Variants in BTF3 observed in about 807,000 individuals in gnomAD.
BTF3 encodes the protein transcription factor BTF3.
In BTF3, 12 loss-of-function variants were observed where a neutral mutation model predicts 23.9. The ratio of observed to expected loss-of-function variants is 0.50; its 90% CI spans 0.32 to 0.81. The LOEUF is 0.81. Among genes scored for constraint, BTF3 ranks in the 40% least tolerant of loss-of-function variants. The probability of loss-of-function intolerance (pLI) is 0.03; values close to 1 mark genes in which losing one functional copy is unlikely to be tolerated. For missense variants in BTF3, 215 were observed against 255.9 expected, an observed-to-expected ratio of 0.84 and a Z score of 1.09; for synonymous variants, 96 against 94.8, an observed-to-expected ratio of 1.01 and a Z score of -0.07.
At chr5:73,499,227 TG>T in intron 2 of BTF3, 25 bp downstream of exon 2, 3 of 1,599,078 alleles carry the variant, frequency 1.9e-6, no homozygotes, top group Non-Finnish European at 1.7e-6. Context: ...TTCGGGTTTG[TG>T]GGTTTTTTTT....
intron 2 of BTF3, among the ~76,000 whole-genome samples, chr5:73,501,621 G>A (rs943978554): frequency 2.6e-5 from 4 of 152,068 alleles, no homozygotes; most frequent in Non-Finnish European, 5.9e-5. Context: ...AAAGGCCCTT[G>A]GGTCATAGCC....
Position 73,499,218 on chromosome 5 carries a change from T to C in BTF3, c.201+16T>C. On this transcript the variant is annotated intron_variant, in intron 2 of 5. Transcript: ENST00000380591. ...TGGTGGGAAAGTAAGTTTTAATAGT[T>C]CGGGTTTGTGGGTTTTTTTTTTAAG... 6.2e-7 allele frequency: 1 copy of C among 1,606,090 alleles called. No homozygotes were observed. The highest frequency in any genetic ancestry group is 8.5e-7 in the Non-Finnish European group (1 of 1,179,524).
chr5:73,505,467 CAA>C lies in BTF3; in HGVS notation c.*231_*232del, dbSNP rs1420889855. ...AGAAGCCTGGGAATCAAGTTTGAAA[CAA>C]AGATTAATAAAGTTCTTTGCCTAGT... On this transcript the variant is annotated 3_prime_UTR_variant, in exon 6 of 6. Coordinates refer to ENST00000380591, the MANE Select transcript of BTF3 (RefSeq NM_001037637.2). The C allele has an allele frequency of 2.3e-6, 1 of 434,444 alleles. No individual in the cohort carries two copies. Among genetic ancestry groups the C allele is most frequent in the Admixed American group, 4.1e-5 (1 of 24,484 alleles). The allele number at this position is 434,444 out of a possible 1,614,324, so 26.9% of individuals were successfully genotyped here. A position where few individuals can be genotyped will look rare whatever the true frequency, so the allele number is the denominator to read the frequency against.
At chr5:73,504,437 T>C (rs368386404) in intron 5 of BTF3, 34 bp downstream of exon 5, 4 of 1,563,598 alleles carry the variant, frequency 2.6e-6, no homozygotes, top group Admixed American at 1.8e-5. Context: ...ACCTAGAGAA[T>C]CTTAGCAAGG....
chr5:73,501,373 T>C (rs906018247), intron 2 of BTF3, among the ~76,000 whole-genome samples: 2 of 152,226 alleles, frequency 1.3e-5, no homozygotes, highest in Non-Finnish European at 2.9e-5. Flanking sequence ...GAAGTCCTTA[T>C]GGAGCTTACA....
rs1437112396 is a variant in BTF3, at chr5:73,498,479, C to G, written c.-189C>G. 4.1e-6 allele frequency: 3 copies of G among 723,178 alleles called. No individual in the cohort carries two copies. The highest frequency in any genetic ancestry group is 6.0e-6 in the Non-Finnish European group (3 of 498,722). The allele number at this position is 723,178 out of a possible 1,614,324, so 44.8% of individuals were successfully genotyped here. A position where few individuals can be genotyped will look rare whatever the true frequency, so the allele number is the denominator to read the frequency against. ...CATCTTGCGTCCCCGCGTGTGTGCGCCTAATCTCAGGTGGTCCACCCGAGA... is the reference window on the plus strand; with the variant it reads ...CATCTTGCGTCCCCGCGTGTGTGCGGCTAATCTCAGGTGGTCCACCCGAGA... On this transcript the variant is annotated 5_prime_UTR_variant, in exon 1 of 6. Coordinates refer to ENST00000380591, the MANE Select transcript of BTF3 (RefSeq NM_001037637.2).
At chr5:73,501,515 G>C (rs1197397472) in intron 2 of BTF3, among the ~76,000 whole-genome samples, 1 of 152,222 alleles carries the variant, frequency 6.6e-6, no homozygotes, top group Non-Finnish European at 1.5e-5. Flanking sequence ...TTGGGTAGTT[G>C]AGAAAGACCA....
chr5:73,498,673 AC>A lies in BTF3; in HGVS notation c.7del (p.Arg3GlyfsTer43). 1 of 1,500,412 alleles carries A rather than the reference AC, an allele frequency of 6.7e-7. No individual in the cohort carries two copies. Among genetic ancestry groups the A allele is most frequent in the Admixed American group, 2.5e-5 (1 of 40,312 alleles). 92.9% of individuals were successfully genotyped at this position (1,500,412 alleles called of 1,614,324 possible). A position where few individuals can be genotyped will look rare whatever the true frequency, so the allele number is the denominator to read the frequency against. On this transcript the variant is annotated frameshift_variant, in exon 1 of 6. Coordinates refer to ENST00000380591, the MANE Select transcript of BTF3 (RefSeq NM_001037637.2). LOFTEE classifies it high-confidence loss of function. The stretch of plus-strand genomic sequence containing the variant: ...CAGAGGAGGAGAGGAAGGCGATGCG[AC>A]GGACAGGCGCACCCGCTCAGGCTGA... MRRTGAPAQADSR... is the reference protein window; with the variant it reads MRXTGAPAQADSR...
intron 1 of BTF3, 134 bp from the exon 2 acceptor site, chr5:73,499,000 G>A (rs1746367297): frequency 8.0e-7 from 1 of 1,255,102 alleles, no homozygotes; most frequent in Non-Finnish European, 1.1e-6. Context: ...TTGGAGCTTT[G>A]CGGGGTGGAT....
chr5:73,499,026 CGG>C, intron 1 of BTF3, 106 bp from the exon 2 acceptor site: 3 of 1,325,008 alleles, frequency 2.3e-6, no homozygotes, highest in Non-Finnish European at 3.1e-6. Flanking sequence ...ATCCAGGTTT[CGG>C]CCTGTGTAGG....
Position 73,499,191 on chromosome 5 carries a change from A to G in BTF3, c.190A>G (p.Ile64Val). ...KLAKLQAQVR[I>V]GGKGTARRKK... ...CGCCAAACTGCAGGCACAAGTGCGC[A>G]TTGGTGGGAAAGTAAGTTTTAATAG... The change falls in exon 2 of 6, where the codon ATT becomes GTT. Residue 64 changes from isoleucine to valine, a missense_variant. Transcript: ENST00000380591. The G allele has an allele frequency of 6.2e-7, 1 of 1,613,700 alleles. No individual in the cohort carries two copies. Among genetic ancestry groups the G allele is most frequent in the Non-Finnish European group, 8.5e-7 (1 of 1,179,958 alleles).
chr5:73,502,377 T>C (rs1201803322), intron 2 of BTF3, 111 bp from the exon 3 acceptor site: 14 of 712,274 alleles, frequency 2.0e-5, no homozygotes, highest in Non-Finnish European at 2.8e-5. Flanking sequence ...ATTATGGTAA[T>C]GTTCTTATAC....
At position 73,502,951 on chromosome 5, in the gene BTF3, C is replaced by T. The variant is rs151143923; in HGVS notation, c.351C>T (p.His117=). 430 of 1,612,874 alleles carry T rather than the reference C, an allele frequency of 2.7e-4. 1 individual carries two copies. In the African/African-American group the frequency reaches 4.5e-3, roughly 17 times the overall value. The change falls in exon 4 of 6, where the codon CAC becomes CAT. Residue 117 remains histidine (H), a synonymous_variant. Transcript: ENST00000380591. ...TTACAAACCAAGGAACAGTGATCCA[C>T]TTTAACAACCCTAAAGTTCAGGCAT... ...NMFTNQGTVI[H]FNNPKVQASL...
intron 1 of BTF3, 36 bp downstream of exon 1, chr5:73,498,835 C>T (rs995176698): frequency 6.7e-7 from 1 of 1,501,156 alleles, no homozygotes; most frequent in Admixed American, 2.5e-5. Flanking sequence ...CCGGGCCGGG[C>T]AGGCCCTGGC....
rs2111954546 is a variant in BTF3 at position 73,498,834 on chromosome 5, G to A, written c.132+35G>A. Reference sequence around the variant, plus strand: ...GGCTTGCGGAGAGTGGCCGGGCCGGGCAGGCCCTGGCTAGGCCGAGGCCAG... The same window carrying A: ...GGCTTGCGGAGAGTGGCCGGGCCGGACAGGCCCTGGCTAGGCCGAGGCCAG... On this transcript the variant is annotated intron_variant, in intron 1 of 5. Coordinates refer to ENST00000380591, the MANE Select transcript of BTF3 (RefSeq NM_001037637.2). The A allele has an allele frequency of 4.0e-6, 6 of 1,502,108 alleles. No homozygotes were observed. In the South Asian group the frequency reaches 6.2e-5, roughly 15 times the overall value. The allele number at this position is 1,502,108 out of a possible 1,614,324, so 93.0% of individuals were successfully genotyped here.
At position 73,498,677 on chromosome 5, in the gene BTF3, A is replaced by ACAGG. The variant is rs1168018167; in HGVS notation, c.12_15dup (p.Ala6ArgfsTer7). Reference sequence around the variant, plus strand: ...GGAGGAGAGGAAGGCGATGCGACGGACAGGCGCACCCGCTCAGGCTGACTC... The same window carrying ACAGG: ...GGAGGAGAGGAAGGCGATGCGACGGACAGGCAGGCGCACCCGCTCAGGCTGACTC... On this transcript the variant is annotated frameshift_variant, in exon 1 of 6. Coordinates refer to ENST00000380591, the MANE Select transcript of BTF3 (RefSeq NM_001037637.2). LOFTEE classifies it high-confidence loss of function. 6.7e-7 allele frequency: 1 copy of ACAGG among 1,499,888 alleles called. No homozygotes were observed. The highest frequency in any genetic ancestry group is 1.5e-5 in the African/African-American group (1 of 68,414). The allele number at this position is 1,499,888 out of a possible 1,614,324, so 92.9% of individuals were successfully genotyped here.
At chr5:73,499,097 TA>T in intron 1 of BTF3, 36 bp from the exon 2 acceptor site, 1 of 1,591,148 alleles carries the variant, frequency 6.3e-7, no homozygotes, top group Non-Finnish European at 8.6e-7. Flanking sequence ...TAGAGTGAGC[TA>T]AACCTATCCT....
chr5:73,500,212 C>A (rs527371705), intron 2 of BTF3, among the ~76,000 whole-genome samples: 173 of 152,276 alleles, frequency 1.1e-3, no homozygotes, highest in African/African-American at 4.1e-3. Flanking sequence ...TCCACACCCA[C>A]ACATTTAACA....
chr5:73,499,263 C>G, intron 2 of BTF3, 61 bp downstream of exon 2: 1 of 1,539,662 alleles, frequency 6.5e-7, no homozygotes, highest in Non-Finnish European at 9.0e-7. Context: ...TTTTAAAAAA[C>G]ATATTCCTTT....
Sources: allele counts gnomAD v4.1 joint callset (sites outside exome capture counted in the v4.1 genomes callset), GRCh38; gene constraint gnomAD v4.1.1; transcripts MANE v1.5; gene names NCBI Gene and HGNC (gene_info 2026-07-23, HGNC 2026-07-21).